The following RASAL2 variants were observed in gnomAD, a reference collection of about 807,000 sequenced individuals.
RASAL2 encodes RAS protein activator like 2.
RASAL2 carries 58 observed loss-of-function variants against 128.9 expected under a neutral mutation model. That is an observed-to-expected ratio of 0.45 (90% CI 0.36 to 0.56). The LOEUF (loss-of-function observed/expected upper bound fraction) is 0.56. RASAL2 is among the 20% of genes least tolerant of loss of function. RASAL2 has a pLI of 0.00. For missense variants in RASAL2, 1,360 were observed against 1,601.6 expected, an observed-to-expected ratio of 0.85 and a Z score of 2.57; for synonymous variants, 561 against 580.8, an observed-to-expected ratio of 0.97 and a Z score of 0.49.
At chr1:178,217,106 G>C (rs1663447530) in intron 1 of RASAL2, among the ~76,000 whole-genome samples, 1 of 152,042 alleles carries the variant, frequency 6.6e-6, no homozygotes, top group South Asian at 2.1e-4. Flanking sequence ...CCACCGAGTA[G>C]CTGGGATTAT....
chr1:178,163,297 T>C (rs1377885420), intron 1 of RASAL2, among the ~76,000 whole-genome samples: 2 of 152,100 alleles, frequency 1.3e-5, no homozygotes, highest in Non-Finnish European at 2.9e-5. Flanking sequence ...TTTTGAAGGA[T>C]ATATTTTAAA....
intron 1 of RASAL2, among the ~76,000 whole-genome samples, chr1:178,261,632 G>A (rs1665698165): frequency 6.6e-6 from 1 of 152,120 alleles, no homozygotes; most frequent in Non-Finnish European, 1.5e-5. Flanking sequence ...GGATTAATTA[G>A]AAGTGTTGGA....
chr1:178,370,531 T>C (rs1671641414), intron 3 of RASAL2, among the ~76,000 whole-genome samples: 1 of 152,240 alleles, frequency 6.6e-6, no homozygotes, highest in Non-Finnish European at 1.5e-5. Flanking sequence ...GAATTCATAA[T>C]ACCTTTTTCG....
intron 1 of RASAL2, among the ~76,000 whole-genome samples, chr1:178,098,350 T>G (rs997294399): frequency 6.6e-6 from 1 of 152,150 alleles, no homozygotes; most frequent in African/African-American, 2.4e-5. Context: ...GGATACAGAA[T>G]CCAAGAGCAT....
intron 1 of RASAL2, among the ~76,000 whole-genome samples, chr1:178,165,044 T>TA (rs1308699935): frequency 6.6e-6 from 1 of 152,224 alleles, no homozygotes; most frequent in African/African-American, 2.4e-5. Flanking sequence ...AGAGATGACT[T>TA]AAAGTATACA....
In RASAL2 at chr1:178,274,497, G is replaced by A. The variant is rs547905728; in HGVS notation, c.203-9067G>A. Among the ~76,000 whole-genome samples the A allele has an allele frequency of 1.1e-3, 166 of 152,242 alleles. 1 individual carries two copies. Among genetic ancestry groups the A allele is most frequent in the African/African-American group, 3.7e-3 (154 of 41,534 alleles). Reference sequence around the variant, plus strand: ...TCATTTTTCTGTCGGTAACAGAAACGAGACATGAAAATGATCTTGAGTTTT... The same window carrying A: ...TCATTTTTCTGTCGGTAACAGAAACAAGACATGAAAATGATCTTGAGTTTT... On this transcript the variant is annotated intron_variant, in intron 1 of 17. Coordinates refer to ENST00000367649, the MANE Select transcript of RASAL2 (RefSeq NM_170692.4).
intron 5 of RASAL2, 25 bp downstream of exon 5, chr1:178,420,645 A>C: frequency 2.0e-6 from 3 of 1,510,632 alleles, no homozygotes; most frequent in Non-Finnish European, 2.7e-6. Flanking sequence ...TTCTTAAAAC[A>C]AAAAAAGCAG....
intron 1 of RASAL2, among the ~76,000 whole-genome samples, chr1:178,255,101 T>A (rs1219183942): frequency 6.6e-6 from 1 of 152,102 alleles, no homozygotes; most frequent in African/African-American, 2.4e-5. Flanking sequence ...CTATCTTTGT[T>A]GAGATATAAG....
chr1:178,426,460 G>A (rs1675520804), intron 5 of RASAL2, among the ~76,000 whole-genome samples: 1 of 152,072 alleles, frequency 6.6e-6, no homozygotes, highest in African/African-American at 2.4e-5. Context: ...TGGGAAACAG[G>A]AGAGACTCTG....
intron 3 of RASAL2, among the ~76,000 whole-genome samples, chr1:178,323,649 A>G (rs574163673): frequency 1.4e-4 from 21 of 152,312 alleles, no homozygotes; most frequent in Non-Finnish European, 2.2e-4. Flanking sequence ...TATCATAACC[A>G]TAGTTGTGTT....
At chr1:178,172,224 A>G (rs1250266141) in intron 1 of RASAL2, among the ~76,000 whole-genome samples, 1 of 152,052 alleles carries the variant, frequency 6.6e-6, no homozygotes. Flanking sequence ...AAAATCAATT[A>G]TATCTACAAA....
chr1:178,257,852 A>G (rs911215457), intron 1 of RASAL2, among the ~76,000 whole-genome samples: 3 of 151,670 alleles, frequency 2.0e-5, no homozygotes, highest in African/African-American at 7.3e-5. Context: ...AAAAAGAAAA[A>G]AAAAAAAAAA....
At position 178,436,641 on chromosome 1, in the gene RASAL2, A is replaced by G. The variant is rs548975213; in HGVS notation, c.675-2781A>G. 2.0e-5 allele frequency among the ~76,000 whole-genome samples: 3 copies of G among 152,258 alleles called. No homozygotes were observed. In the East Asian group the frequency reaches 5.8e-4, roughly 29 times the overall value. On this transcript the variant is annotated intron_variant, in intron 5 of 17. Coordinates refer to ENST00000367649, the MANE Select transcript of RASAL2 (RefSeq NM_170692.4). ...GAAAGCTTTGTACTTGCAAGGTGAG[A>G]TATAGGAAATAGCTTCTAGTAGGGG...
intron 3 of RASAL2, among the ~76,000 whole-genome samples, chr1:178,371,322 CCACA>C (rs370972772): frequency 0.025 from 3,099 of 124,406 alleles, 98 homozygotes; most frequent in African/African-American, 0.072. Flanking sequence ...GCCTTCTTTC[CCACA>C]CACACACACA....
intron 1 of RASAL2, among the ~76,000 whole-genome samples, chr1:178,197,506 G>A (rs1402146825): frequency 6.6e-6 from 1 of 151,664 alleles, no homozygotes; most frequent in Non-Finnish European, 1.5e-5. Context: ...CTACTCGGGA[G>A]GCTGAGGCAG....
intron 3 of RASAL2, among the ~76,000 whole-genome samples, chr1:178,389,531 C>T (rs1672772192): frequency 6.6e-6 from 1 of 152,086 alleles, no homozygotes; most frequent in Admixed American, 6.5e-5. Flanking sequence ...GGTCATATTG[C>T]CAGAACAAGG....
intron 15 of RASAL2, among the ~76,000 whole-genome samples, chr1:178,464,831 GTTTTTTTTTTT>G (rs986789340): frequency 2.6e-5 from 1 of 38,198 alleles, no homozygotes; most frequent in Admixed American, 3.5e-4. Flanking sequence ...GGTTTTAGTT[GTTTTTTTTTTT>G]TTTTTTTTTT....
Position 178,141,193 on chromosome 1 carries a change from C to CTTTTTTTTTTTTTTTTTTTT in RASAL2, c.202+46505_202+46524dup, listed in dbSNP as rs71297900. Among the ~76,000 whole-genome samples, 45 of 73,938 alleles carry CTTTTTTTTTTTTTTTTTTTT rather than the reference C, an allele frequency of 6.1e-4. 2 individuals carry two copies. The highest frequency in any genetic ancestry group is 2.1e-3 in the African/African-American group (40 of 18,794). 48.5% of individuals were successfully genotyped at this position (73,938 alleles called of 152,430 possible). ...CTGGAGACCACTTTTCTTTTCTTTT[C>CTTTTTTTTTTTTTTTTTTTT]TTTTTTTTTTTTTTTTTTTTTTTTT... On this transcript the variant is annotated intron_variant, in intron 1 of 17. Coordinates refer to ENST00000367649, the MANE Select transcript of RASAL2 (RefSeq NM_170692.4).
chr1:178,349,158 C>G (rs1320821418), intron 3 of RASAL2, among the ~76,000 whole-genome samples: 3 of 150,508 alleles, frequency 2.0e-5, no homozygotes, highest in Non-Finnish European at 4.4e-5. Flanking sequence ...CCGTGGCTCA[C>G]GCCTGTAATT....
Sources: gnomAD v4.1 joint callset for allele counts (sites outside exome capture counted in the v4.1 genomes callset) on GRCh38, gnomAD v4.1.1 for gene constraint, MANE v1.5 for transcripts, NCBI Gene and HGNC (gene_info 2026-07-23, HGNC 2026-07-21) for gene names.